RFFL: variants seen among roughly 807,000 people sequenced by gnomAD.
The protein encoded by RFFL is E3 ubiquitin-protein ligase rififylin.
Under a neutral mutation model 40.4 loss-of-function variants are expected in RFFL, and 16 were observed. That is an observed-to-expected ratio of 0.40 (90% CI 0.27 to 0.60). RFFL has a LOEUF of 0.60. Among genes scored for constraint, RFFL ranks in the 20% least tolerant of loss-of-function variants. The probability of loss-of-function intolerance (pLI) is 0.47; values close to 1 mark genes in which losing one functional copy is unlikely to be tolerated. For missense variants in RFFL, 367 were observed against 451.7 expected (o/e 0.81, Z 1.70); for synonymous variants, 154 against 167.9 (o/e 0.92, Z 0.64).
intron 1 of RFFL, among the ~76,000 whole-genome samples, chr17:35,071,572 C>T (rs1319231525): frequency 3.3e-5 from 5 of 151,250 alleles, no homozygotes; most frequent in East Asian, 3.9e-4. Context: ...GAGCTGAGAT[C>T]GCACCATTGC....
At position 35,055,689 on chromosome 17, in the gene RFFL, C is replaced by A. The variant is rs1451672538; in HGVS notation, c.-9+7887G>T. ...TCCATCTCAAAAAAAAACAAACAAA[C>A]AAACAAACAAAAAAAAAACATTAAT... On this transcript the variant is annotated intron_variant, in intron 1 of 6. Coordinates refer to ENST00000394597, the MANE Select transcript of RFFL (RefSeq NM_001017368.2). 3.7e-3 allele frequency among the ~76,000 whole-genome samples: 517 copies of A among 140,878 alleles called. 5 individuals are homozygous for A. Among genetic ancestry groups the A allele is most frequent in the African/African-American group, 0.014 (460 of 32,576 alleles). 92.4% of individuals were successfully genotyped at this position (140,878 alleles called of 152,430 possible).
chr17:35,047,097 G>C (rs1052710937), intron 1 of RFFL, among the ~76,000 whole-genome samples: 1 of 152,182 alleles, frequency 6.6e-6, no homozygotes, highest in Non-Finnish European at 1.5e-5. Context: ...GCAGGAAAGA[G>C]GATTTACCAG....
intron 1 of RFFL, among the ~76,000 whole-genome samples, chr17:35,038,852 G>C (rs2091143472): frequency 6.6e-6 from 1 of 152,160 alleles, no homozygotes; most frequent in East Asian, 1.9e-4. Flanking sequence ...TCATCGAACT[G>C]TACACTTATA....
At chr17:35,083,754 C>A (rs1309349180) in intron 1 of RFFL, among the ~76,000 whole-genome samples, 2 of 148,442 alleles carry the variant, frequency 1.3e-5, no homozygotes, top group Admixed American at 1.4e-4. Context: ...GCACTCCAGC[C>A]TAGGTGACAG....
chr17:35,038,303 A>AGG (rs2091138757), intron 1 of RFFL, among the ~76,000 whole-genome samples: 1 of 151,692 alleles, frequency 6.6e-6, no homozygotes, highest in Non-Finnish European at 1.5e-5. Context: ...AAAAAAAAAA[A>AGG]AAAGGAAAAA....
intron 1 of RFFL, among the ~76,000 whole-genome samples, chr17:35,039,259 C>A (rs534756079): frequency 6.6e-6 from 1 of 151,040 alleles, no homozygotes; most frequent in East Asian, 2.0e-4. Context: ...CTCGCTCTGT[C>A]GCCAGGCTGG....
intron 3 of RFFL, among the ~76,000 whole-genome samples, chr17:35,018,007 C>T (rs772112742): frequency 9.9e-5 from 15 of 152,136 alleles, no homozygotes; most frequent in Non-Finnish European, 2.1e-4. Flanking sequence ...CATCCCTATC[C>T]CTGGTTCTGC....
chr17:35,028,334 C>A (rs1384952927), intron 1 of RFFL, among the ~76,000 whole-genome samples: 2 of 151,744 alleles, frequency 1.3e-5, no homozygotes, highest in African/African-American at 4.9e-5. Context: ...CAAAGTGAGA[C>A]CTTGTCTCAA....
intron 2 of RFFL, among the ~76,000 whole-genome samples, chr17:35,022,044 A>G (rs1387445789): frequency 6.6e-6 from 1 of 152,218 alleles, no homozygotes; most frequent in Non-Finnish European, 1.5e-5. Context: ...GGCTTACTTT[A>G]TTTACTCCTG....
Position 35,014,813 on chromosome 17 carries a change from AAT to A in RFFL, c.887-52_887-51del, listed in dbSNP as rs768420100. 2.0e-5 allele frequency: 31 copies of A among 1,573,790 alleles called. No homozygotes were observed. In the Admixed American group the frequency reaches 2.5e-4, roughly 13 times the overall value. On this transcript the variant is annotated intron_variant, in intron 5 of 6. Coordinates refer to ENST00000394597, the MANE Select transcript of RFFL (RefSeq NM_001017368.2). ...TGAATAGGTAAGGCATGATGGTACA[AAT>A]ACAGTCTCTTACTGCCCTGACATCA...
At chr17:35,046,267 T>G (rs758992867) in intron 1 of RFFL, among the ~76,000 whole-genome samples, 9 of 152,220 alleles carry the variant, frequency 5.9e-5, no homozygotes, top group Non-Finnish European at 1.0e-4. Flanking sequence ...CTTCCATCTC[T>G]TCCTAAAAAG....
upstream of RFFL, among the ~76,000 whole-genome samples, chr17:35,066,332 C>T (rs951589765): frequency 3.3e-5 from 5 of 152,092 alleles, no homozygotes; most frequent in Non-Finnish European, 7.4e-5. Flanking sequence ...TAGATCTTGA[C>T]ATTATAAACA....
At chr17:35,037,973 C>A (rs1195513902) in intron 1 of RFFL, among the ~76,000 whole-genome samples, 1 of 152,034 alleles carries the variant, frequency 6.6e-6, no homozygotes, top group Non-Finnish European at 1.5e-5. Context: ...GAGATACTAG[C>A]AAATGTTGAT....
intron 1 of RFFL, among the ~76,000 whole-genome samples, chr17:35,082,181 C>A (rs1378108226): frequency 2.0e-5 from 3 of 152,116 alleles, no homozygotes; most frequent in Non-Finnish European, 4.4e-5. Context: ...TGTTAGCAAC[C>A]AGAAACCTCT....
intron 1 of RFFL, among the ~76,000 whole-genome samples, chr17:35,072,894 T>C (rs2142378989): frequency 6.6e-6 from 1 of 152,086 alleles, no homozygotes; most frequent in Non-Finnish European, 1.5e-5. Context: ...AAATACAAAA[T>C]TAGCCAGGCA....
upstream of RFFL, among the ~76,000 whole-genome samples, chr17:35,067,217 A>G (rs2091324930): frequency 6.6e-6 from 1 of 151,428 alleles, no homozygotes; most frequent in African/African-American, 2.4e-5. Flanking sequence ...TCCTGGGTTC[A>G]AGCAATTCTC....
At chr17:35,012,175 AAAG>A (rs1418231050) in intron 6 of RFFL, 26 bp from the exon 7 acceptor site, 1 of 1,607,174 alleles carries the variant, frequency 6.2e-7, no homozygotes, top group Non-Finnish European at 8.5e-7. Flanking sequence ...GGGCAGAAAA[AAAG>A]GGGCAGAGGA....
intron 5 of RFFL, among the ~76,000 whole-genome samples, chr17:35,015,095 T>A (rs2090965609): frequency 6.6e-6 from 1 of 152,158 alleles, no homozygotes. Flanking sequence ...GCCTCCTGAG[T>A]ACCTGGGGAC....
intron 1 of RFFL, among the ~76,000 whole-genome samples, chr17:35,077,947 T>A (rs60835301): frequency 8.5e-4 from 129 of 152,374 alleles, no homozygotes; most frequent in African/African-American, 3.0e-3. Context: ...TAGCTGGATA[T>A]CCTAGTTAAG....
Sources: gnomAD v4.1 joint callset for allele counts (sites outside exome capture counted in the v4.1 genomes callset) on GRCh38, gnomAD v4.1.1 for gene constraint, MANE v1.5 for transcripts, NCBI Gene and HGNC (gene_info 2026-07-23, HGNC 2026-07-21) for gene names.